The following ARHGAP8 variants were observed in gnomAD, a reference collection of about 807,000 sequenced individuals.
The protein encoded by ARHGAP8 is Rho GTPase activating protein 8, also known as rho GTPase-activating protein 8.
In ARHGAP8, 62 loss-of-function variants were observed where a neutral mutation model predicts 46.1. The ratio of observed to expected loss-of-function variants is 1.34; its 90% CI spans 1.10 to 1.66. The LOEUF is 1.66. ARHGAP8 is among the 40% of genes most tolerant of loss of function. The pLI is 0.00. For missense variants in ARHGAP8, 923 were observed against 568.4 expected, an observed-to-expected ratio of 1.62 and a Z score of -6.34; for synonymous variants, 375 against 243.1, an observed-to-expected ratio of 1.54 and a Z score of -5.05.
intron 1 of ARHGAP8, among the ~76,000 whole-genome samples, chr22:44,769,668 C>T (rs1358048687): frequency 1.3e-5 from 2 of 152,080 alleles, no homozygotes; most frequent in African/African-American, 2.4e-5. Flanking sequence ...AAAGGTTAGG[C>T]ACTTCTTTTG....
At chr22:44,858,273 G>C (rs2070294972) in intron 10 of ARHGAP8, among the ~76,000 whole-genome samples, 1 of 152,164 alleles carries the variant, frequency 6.6e-6, no homozygotes, top group Non-Finnish European at 1.5e-5. Flanking sequence ...GTACACAGTA[G>C]CATAGGCATG....
At chr22:44,763,752 C>T (rs1569132844) in intron 1 of ARHGAP8, among the ~76,000 whole-genome samples, 1 of 150,388 alleles carries the variant, frequency 6.6e-6, no homozygotes, top group Non-Finnish European at 1.5e-5. Context: ...TTCCACCAGA[C>T]AAGGCGGAAT....
chr22:44,812,364 G>GTT (rs1198428931), intron 4 of ARHGAP8, among the ~76,000 whole-genome samples: 12 of 117,284 alleles, frequency 1.0e-4, no homozygotes, highest in African/African-American at 1.3e-4. Context: ...TTTGCTTTCT[G>GTT]TTTTTTTTTT....
chr22:44,845,735 T>G (rs1011417481), intron 8 of ARHGAP8, among the ~76,000 whole-genome samples: 9 of 152,208 alleles, frequency 5.9e-5, no homozygotes, highest in Admixed American at 2.0e-4. Flanking sequence ...CAACTTTGAT[T>G]TGCAGATACC....
chr22:44,824,998 C>T (rs145543998), intron 6 of ARHGAP8, among the ~76,000 whole-genome samples: 1 of 151,746 alleles, frequency 6.6e-6, no homozygotes, highest in East Asian at 1.9e-4. Flanking sequence ...TTTTCAGAGT[C>T]CATCTGTTCA....
chr22:44,859,919 C>G (rs1442066241), intron 11 of ARHGAP8, 85 bp downstream of exon 11: 2 of 1,487,928 alleles, frequency 1.3e-6, no homozygotes, highest in South Asian at 2.5e-5. Context: ...CCCCTCCTTG[C>G]CCTGGGTCTG....
rs375628775 is a variant in ARHGAP8 at position 44,810,389 on chromosome 22, G to C, written c.299+1951G>C. The stretch of plus-strand genomic sequence containing the variant: ...CCTGAGTACCTGGGACTACAGGCGT[G>C]AGCCACCATGCCCGGCTAATTTTTG... On this transcript the variant is annotated intron_variant, in intron 4 of 11. Coordinates refer to ENST00000356099, the MANE Select transcript of ARHGAP8 (RefSeq NM_181335.3). Among the ~76,000 whole-genome samples, 362 of 152,232 alleles carry C rather than the reference G, an allele frequency of 2.4e-3. 1 individual carries two copies. The highest frequency in any genetic ancestry group is 8.3e-3 in the African/African-American group (344 of 41,548).
chr22:44,858,098 A>C (rs1158250778), intron 10 of ARHGAP8, among the ~76,000 whole-genome samples: 1 of 152,226 alleles, frequency 6.6e-6, no homozygotes, highest in East Asian at 1.9e-4. Context: ...TGACTGAACA[A>C]CAGCTTGATT....
At chr22:44,771,671 C>T (rs964162946) in intron 1 of ARHGAP8, among the ~76,000 whole-genome samples, 1 of 151,998 alleles carries the variant, frequency 6.6e-6, no homozygotes, top group Non-Finnish European at 1.5e-5. Context: ...TCTCCTGCCT[C>T]AGACTCCCGA....
intron 1 of ARHGAP8, among the ~76,000 whole-genome samples, chr22:44,758,940 A>AT (rs1028015422): frequency 6.6e-6 from 1 of 152,152 alleles, no homozygotes; most frequent in Non-Finnish European, 1.5e-5. Context: ...CGGATTTACC[A>AT]TTTTTTTAGG....
intron 3 of ARHGAP8, among the ~76,000 whole-genome samples, chr22:44,806,435 C>T (rs986691712): frequency 2.0e-5 from 3 of 152,204 alleles, no homozygotes; most frequent in Non-Finnish European, 4.4e-5. Flanking sequence ...TGGCAGCCCA[C>T]AGTTCTCAGA....
At chr22:44,775,707 C>T (rs1171644957) in intron 1 of ARHGAP8, among the ~76,000 whole-genome samples, 1 of 152,190 alleles carries the variant, frequency 6.6e-6, no homozygotes, top group East Asian at 1.9e-4. Flanking sequence ...ACCTCGGCCT[C>T]CCAAAGTGCT....
chr22:44,824,089 G>C (rs549307999), intron 6 of ARHGAP8, among the ~76,000 whole-genome samples: 1 of 152,258 alleles, frequency 6.6e-6, no homozygotes, highest in South Asian at 2.1e-4. Context: ...ATACTTCCTG[G>C]TGGGTGCTGC....
intron 1 of ARHGAP8, among the ~76,000 whole-genome samples, chr22:44,758,686 C>T (rs1174944663): frequency 1.3e-5 from 2 of 151,568 alleles, no homozygotes; most frequent in East Asian, 1.9e-4. Context: ...GAGGGGCAGC[C>T]GGGAGGCCGG....
intron 1 of ARHGAP8, among the ~76,000 whole-genome samples, chr22:44,772,253 T>TTTTTTC (rs1555909610): frequency 1.4e-5 from 1 of 73,254 alleles, no homozygotes; most frequent in African/African-American, 4.8e-5. Context: ...TTTTTTTTTT[T>TTTTTTC]CAAGACTGAG....
At chr22:44,827,550 C>G (rs940204803) in intron 7 of ARHGAP8, among the ~76,000 whole-genome samples, 2 of 151,920 alleles carry the variant, frequency 1.3e-5, no homozygotes, top group African/African-American at 4.8e-5. Context: ...ACCATGTTGG[C>G]CAGGCTGGTC....
At chr22:44,835,715 G>A (rs1931238781) in intron 7 of ARHGAP8, among the ~76,000 whole-genome samples, 1 of 152,164 alleles carries the variant, frequency 6.6e-6, no homozygotes, top group South Asian at 2.1e-4. Context: ...CTTTGCCACT[G>A]GAAGAAACTT....
chr22:44,826,830 G>C (rs1487105849), intron 7 of ARHGAP8, among the ~76,000 whole-genome samples: 1 of 152,180 alleles, frequency 6.6e-6, no homozygotes, highest in African/African-American at 2.4e-5. Context: ...TGCCCTTACT[G>C]AGCCATGTGG....
rs747231635 is a variant in ARHGAP8, at chr22:44,862,322, CTG to C, written c.1033_1034del (p.Val345LeufsTer26). 5.0e-6 allele frequency: 8 copies of C among 1,613,574 alleles called. No individual in the cohort carries two copies. In the African/African-American group the frequency reaches 9.3e-5, roughly 19 times the overall value. On this transcript the variant is annotated frameshift_variant, in exon 12 of 12. Transcript: ENST00000356099. LOFTEE classifies it low-confidence loss of function (END_TRUNC). ...FNKMNSSNLA[C>X]VFGLNLIWPS... is the part of the protein sequence containing the mutation. ...ACAAAATGAACAGCTCTAACCTGGC[CTG>C]TGTCTTCGGGCTGAATTTGATCTGG... is the stretch of plus-strand genomic sequence containing the variant.
Sources: allele counts gnomAD v4.1 joint callset (sites outside exome capture counted in the v4.1 genomes callset), GRCh38; gene constraint gnomAD v4.1.1; transcripts MANE v1.5; gene names NCBI Gene and HGNC (gene_info 2026-07-23, HGNC 2026-07-21).